The following KCTD16 variants were observed in gnomAD, a reference collection of about 807,000 sequenced individuals.
KCTD16 encodes the protein BTB/POZ domain-containing protein KCTD16.
In KCTD16, 13 loss-of-function variants were observed where a neutral mutation model predicts 33.2. That is an observed-to-expected ratio of 0.39 (90% CI 0.25 to 0.62). The LOEUF (loss-of-function observed/expected upper bound fraction) is 0.62. Ranked by LOEUF, KCTD16 falls within the 20% of genes least tolerant of loss-of-function variation. The pLI, the probability that KCTD16 is intolerant of heterozygous loss-of-function variation, is 0.50. For missense variants in KCTD16, 441 were observed against 525.1 expected (o/e 0.84, Z 1.57); for synonymous variants, 197 against 195.3 (o/e 1.01, Z -0.07).
intron 2 of KCTD16, among the ~76,000 whole-genome samples, chr5:144,177,156 AAAG>A (rs1435132044): frequency 3.9e-5 from 6 of 152,328 alleles, no homozygotes; most frequent in East Asian, 3.9e-4. Flanking sequence ...AGAATTAAAA[AAAG>A]AAGAAGAATT....
At chr5:144,223,067 C>T (rs537940475) in intron 3 of KCTD16, among the ~76,000 whole-genome samples, 2 of 152,240 alleles carry the variant, frequency 1.3e-5, no homozygotes, top group South Asian at 4.1e-4. Context: ...ACCGCATGTT[C>T]TCACTCATAG....
intron 3 of KCTD16, among the ~76,000 whole-genome samples, chr5:144,263,053 T>C (rs1221155137): frequency 6.6e-6 from 1 of 152,266 alleles, no homozygotes. Flanking sequence ...AAATGGGTGC[T>C]ATTAATGATT....
intron 3 of KCTD16, among the ~76,000 whole-genome samples, chr5:144,393,086 A>G (rs1223519509): frequency 1.3e-5 from 2 of 152,160 alleles, no homozygotes; most frequent in African/African-American, 4.8e-5. Context: ...ATGATGAATG[A>G]TAGTATAATT....
intron 3 of KCTD16, among the ~76,000 whole-genome samples, chr5:144,332,222 A>C (rs542277191): frequency 6.6e-6 from 1 of 152,336 alleles, no homozygotes; most frequent in East Asian, 1.9e-4. Context: ...AAGTAGATGC[A>C]CAAGTAATGA....
chr5:144,207,071 C>G lies in KCTD16; in HGVS notation c.357C>G (p.Val119=), dbSNP rs1753199126. 6.2e-7 allele frequency: 1 copy of G among 1,613,128 alleles called. No individual in the cohort carries two copies. The highest frequency in any genetic ancestry group is 1.3e-5 in the African/African-American group (1 of 74,862). The part of the protein sequence containing the change: ...EAEYFQLPDL[V]KLLTPDEIKQ... ...AATACTTCCAGCTCCCAGACTTGGT[C>G]AAACTCCTGACCCCCGATGAAATCA... The change falls in exon 3 of 4, where the codon GTC becomes GTG. Residue 119 remains valine, a synonymous_variant. Transcript: ENST00000512467.
At chr5:144,263,737 A>G (rs1475288133) in intron 3 of KCTD16, among the ~76,000 whole-genome samples, 1 of 152,244 alleles carries the variant, frequency 6.6e-6, no homozygotes, top group Non-Finnish European at 1.5e-5. Context: ...TAGTCAGCCC[A>G]TGCTGCTTTA....
At chr5:144,323,649 A>T (rs1031023381) in intron 3 of KCTD16, among the ~76,000 whole-genome samples, 2 of 152,190 alleles carry the variant, frequency 1.3e-5, no homozygotes, top group African/African-American at 4.8e-5. Flanking sequence ...CATTGCACAA[A>T]AAGAGTTGTA....
chr5:144,381,184 T>TA (rs1238783527), intron 3 of KCTD16, among the ~76,000 whole-genome samples: 1 of 151,380 alleles, frequency 6.6e-6, no homozygotes, highest in African/African-American at 2.4e-5. Context: ...CATACAAGCA[T>TA]ATGAAAAAAA....
intron 3 of KCTD16, among the ~76,000 whole-genome samples, chr5:144,366,409 C>G (rs1484543851): frequency 6.6e-6 from 1 of 152,138 alleles, no homozygotes; most frequent in Non-Finnish European, 1.5e-5. Context: ...CCCCTGACAT[C>G]CTTTGCTATC....
chr5:144,320,353 G>A (rs1752039378), intron 3 of KCTD16, among the ~76,000 whole-genome samples: 1 of 152,096 alleles, frequency 6.6e-6, no homozygotes, highest in Admixed American at 6.6e-5. Flanking sequence ...AAGTGCCTAA[G>A]CCTGCCCTCT....
intron 3 of KCTD16, among the ~76,000 whole-genome samples, chr5:144,325,831 C>T (rs945183903): frequency 1.3e-5 from 2 of 152,082 alleles, no homozygotes; most frequent in Non-Finnish European, 2.9e-5. Context: ...TAGGAACTGC[C>T]CCTGTGCACT....
chr5:144,373,615 T>G (rs1244151180), intron 3 of KCTD16, among the ~76,000 whole-genome samples: 1 of 152,202 alleles, frequency 6.6e-6, no homozygotes, highest in East Asian at 1.9e-4. Flanking sequence ...TCATTATTTT[T>G]TACGTGATAT....
intron 3 of KCTD16, among the ~76,000 whole-genome samples, chr5:144,367,747 G>T: frequency 6.8e-6 from 1 of 147,842 alleles, no homozygotes; most frequent in African/African-American, 2.5e-5. Flanking sequence ...GTGCAGGTTT[G>T]TTACAAAGAT....
chr5:144,328,146 A>G (rs29891), intron 3 of KCTD16, among the ~76,000 whole-genome samples: 50,749 of 152,058 alleles, frequency 0.33, 9,143 homozygotes, highest in African/African-American at 0.47. Context: ...CACCTAACAC[A>G]GTACTCAATA....
chr5:144,363,044 T>G (rs938196469), intron 3 of KCTD16, among the ~76,000 whole-genome samples: 1 of 152,204 alleles, frequency 6.6e-6, no homozygotes, highest in African/African-American at 2.4e-5. Context: ...GCCACTCATT[T>G]GTTCTTTGAA....
rs1754731452 is a variant in KCTD16 at position 144,482,818 on chromosome 5, TAC to T, written c.*8706_*8707del. The T allele has an allele frequency of 6.6e-6, 1 of 151,730 alleles. No homozygotes were observed. The highest frequency in any genetic ancestry group is 1.5e-5 in the Non-Finnish European group (1 of 67,868). 9.4% of individuals were successfully genotyped at this position (151,730 alleles called of 1,614,324 possible). ...ATATATAAATATATATCTATAGCTG[TAC>T]ATATGTATACACCCATAAACAAAGC... On this transcript the variant is annotated 3_prime_UTR_variant, in exon 4 of 4. Transcript: ENST00000512467.
At chr5:144,260,811 T>C (rs1162167722) in intron 3 of KCTD16, among the ~76,000 whole-genome samples, 1 of 152,156 alleles carries the variant, frequency 6.6e-6, no homozygotes, top group African/African-American at 2.4e-5. Flanking sequence ...ATTAATGTCT[T>C]ATATTTGAGT....
intron 3 of KCTD16, among the ~76,000 whole-genome samples, chr5:144,256,720 G>A (rs1167919084): frequency 6.6e-6 from 1 of 151,780 alleles, no homozygotes; most frequent in African/African-American, 2.4e-5. Flanking sequence ...CATTCTGGAA[G>A]ATCTAGTAAC....
chr5:144,454,973 A>G (rs775512974), intron 3 of KCTD16, among the ~76,000 whole-genome samples: 12 of 152,156 alleles, frequency 7.9e-5, no homozygotes, highest in Non-Finnish European at 1.2e-4. Flanking sequence ...CAGACAAAAA[A>G]GACAAAAATT....
Sources: allele counts gnomAD v4.1 joint callset (sites outside exome capture counted in the v4.1 genomes callset), GRCh38; gene constraint gnomAD v4.1.1; transcripts MANE v1.5; gene names NCBI Gene and HGNC (gene_info 2026-07-23, HGNC 2026-07-21).